Variants in INTU observed in about 807,000 individuals in gnomAD.
The protein encoded by INTU is inturned planar cell polarity protein, also known as protein inturned.
In INTU, 68 loss-of-function variants were observed where a neutral mutation model predicts 100.5. The ratio of observed to expected loss-of-function variants is 0.68; its 90% CI spans 0.56 to 0.83. The LOEUF (loss-of-function observed/expected upper bound fraction) is 0.83, where lower values mean the gene tolerates loss of function less well. Ranked by LOEUF, INTU falls within the 40% of genes least tolerant of loss-of-function variation. The pLI, the probability that INTU is intolerant of heterozygous loss-of-function variation, is 0.00. For missense variants in INTU, 1,071 were observed against 1,114.7 expected, an observed-to-expected ratio of 0.96 and a Z score of 0.56; for synonymous variants, 357 against 395.7, an observed-to-expected ratio of 0.90 and a Z score of 1.16.
chr4:127,655,843 G>A (rs575095909), intron 2 of INTU, among the ~76,000 whole-genome samples: 1 of 152,202 alleles, frequency 6.6e-6, no homozygotes, highest in South Asian at 2.1e-4. Context: ...CTTGCAGTTT[G>A]ATCTCAGACT....
intron 8 of INTU, among the ~76,000 whole-genome samples, chr4:127,698,154 C>T (rs188273591): frequency 3.8e-4 from 58 of 151,646 alleles, no homozygotes; most frequent in Admixed American, 3.3e-3. Flanking sequence ...TGTGTGAGGC[C>T]GGCCGCAGTG....
At chr4:127,644,083 C>T (rs922266599) in intron 2 of INTU, 27 bp downstream of exon 2, 1 of 1,587,422 alleles carries the variant, frequency 6.3e-7, no homozygotes, top group African/African-American at 1.4e-5. Flanking sequence ...CACATCCATC[C>T]CTGTTTACAG....
chr4:127,644,938 C>G (rs923508809), intron 2 of INTU, among the ~76,000 whole-genome samples: 2 of 152,014 alleles, frequency 1.3e-5, no homozygotes, highest in Admixed American at 1.3e-4. Context: ...CTGCTAAGTG[C>G]CAGGAATACA....
chr4:127,640,546 T>C (rs1350076124), intron 1 of INTU, among the ~76,000 whole-genome samples: 9 of 5,846 alleles, frequency 1.5e-3, no homozygotes, highest in Middle Eastern at 0.083. Context: ...AAGATACATA[T>C]ATATATATAT....
At chr4:127,644,782 G>A (rs531046289) in intron 2 of INTU, among the ~76,000 whole-genome samples, 68 of 152,294 alleles carry the variant, frequency 4.5e-4, no homozygotes, top group African/African-American at 1.6e-3. Flanking sequence ...AGTAATAACA[G>A]TTCTAAAAGC....
intron 2 of INTU, among the ~76,000 whole-genome samples, chr4:127,652,378 A>T (rs1461992240): frequency 1.3e-5 from 2 of 149,982 alleles, no homozygotes; most frequent in Admixed American, 6.6e-5. Flanking sequence ...AGCTCTTATT[A>T]TTTTGAAATA....
At chr4:127,705,376 TG>T (rs1730833135) in intron 10 of INTU, among the ~76,000 whole-genome samples, 1 of 152,196 alleles carries the variant, frequency 6.6e-6, no homozygotes, top group Non-Finnish European at 1.5e-5. Flanking sequence ...TGCTTTGTGC[TG>T]AAGTCTACCT....
chr4:127,690,312 A>G (rs1029093953), intron 8 of INTU, among the ~76,000 whole-genome samples: 15 of 152,210 alleles, frequency 9.9e-5, no homozygotes, highest in Non-Finnish European at 1.0e-4. Flanking sequence ...TCTGGTATAC[A>G]TTTTTAATTC....
chr4:127,644,664 T>C (rs1468945068), intron 2 of INTU, among the ~76,000 whole-genome samples: 1 of 152,202 alleles, frequency 6.6e-6, no homozygotes, highest in African/African-American at 2.4e-5. Flanking sequence ...ACATTTTGTG[T>C]TGCTGATAAA....
chr4:127,645,371 GCCC>G lies in INTU; in HGVS notation c.682+1317_682+1319del, dbSNP rs1320317868. On this transcript the variant is annotated intron_variant, in intron 2 of 15. Coordinates refer to ENST00000335251, the MANE Select transcript of INTU (RefSeq NM_015693.4). ...CAAGACACCAGTGATCCAGCTGATA[GCCC>G]CAACTGAAGCCCTCGCCACCAGATG... Among the ~76,000 whole-genome samples the G allele has an allele frequency of 2.0e-5, 3 of 152,116 alleles. No homozygotes were observed. In the East Asian group the frequency reaches 5.8e-4, roughly 29 times the overall value.
At chr4:127,667,847 A>G (rs1728762310) in intron 4 of INTU, among the ~76,000 whole-genome samples, 1 of 152,084 alleles carries the variant, frequency 6.6e-6, no homozygotes, top group African/African-American at 2.4e-5. Flanking sequence ...GAATGTGCTT[A>G]CTAAGTATAA....
At chr4:127,655,828 G>T (rs1578551732) in intron 2 of INTU, among the ~76,000 whole-genome samples, 1 of 152,344 alleles carries the variant, frequency 6.6e-6, no homozygotes, top group East Asian at 1.9e-4. Context: ...CAGCCTCGCT[G>T]CCGCCTTGCA....
intron 6 of INTU, among the ~76,000 whole-genome samples, chr4:127,674,816 A>G (rs1385884121): frequency 6.6e-6 from 1 of 152,208 alleles, no homozygotes. Flanking sequence ...TATTAAACTC[A>G]TTTAATCTTC....
In INTU at chr4:127,725,767, T is replaced by A. The variant is rs1039436104; in HGVS notation, c.*9331T>A. 1.3e-5 allele frequency: 2 copies of A among 152,230 alleles called. No individual in the cohort carries two copies. The highest frequency in any genetic ancestry group is 4.8e-5 in the African/African-American group (2 of 41,460). 9.4% of individuals were successfully genotyped at this position (152,230 alleles called of 1,614,324 possible). On this transcript the variant is annotated 3_prime_UTR_variant, in exon 16 of 16. Coordinates refer to ENST00000335251, the MANE Select transcript of INTU (RefSeq NM_015693.4). ...ATTTCCATGTTAAAGAGGCACTGCA[T>A]TTTTAAGAAATAAAATCACACATCT...
chr4:127,693,457 T>C (rs1730243896), intron 8 of INTU, among the ~76,000 whole-genome samples: 1 of 152,188 alleles, frequency 6.6e-6, no homozygotes, highest in Non-Finnish European at 1.5e-5. Context: ...ATTTAGCAGA[T>C]CTAGATGCTT....
intron 15 of INTU, among the ~76,000 whole-genome samples, chr4:127,715,591 T>C (rs1731239405): frequency 6.6e-6 from 1 of 152,156 alleles, no homozygotes; most frequent in African/African-American, 2.4e-5. Context: ...TGTAGTGTAA[T>C]CAGAGTTGTA....
At chr4:127,664,661 T>A (rs1434088476) in intron 4 of INTU, among the ~76,000 whole-genome samples, 1 of 152,156 alleles carries the variant, frequency 6.6e-6, no homozygotes, top group East Asian at 1.9e-4. Context: ...TTTTTTAACA[T>A]TAATGTTTTA....
At chr4:127,667,622 T>C (rs1425047181) in intron 4 of INTU, among the ~76,000 whole-genome samples, 2 of 152,006 alleles carry the variant, frequency 1.3e-5, no homozygotes, top group African/African-American at 4.8e-5. Context: ...TTTAAAGTAG[T>C]GTATGGTATT....
chr4:127,660,299 C>G (rs1381470176), intron 3 of INTU, among the ~76,000 whole-genome samples: 1 of 152,018 alleles, frequency 6.6e-6, no homozygotes, highest in Non-Finnish European at 1.5e-5. Context: ...TGAGGTGGCC[C>G]AAGAAGAGAA....
Sources: allele counts gnomAD v4.1 joint callset (sites outside exome capture counted in the v4.1 genomes callset), GRCh38; gene constraint gnomAD v4.1.1; transcripts MANE v1.5; gene names NCBI Gene and HGNC (gene_info 2026-07-23, HGNC 2026-07-21).